The following AFG2A variants were observed in gnomAD, a reference collection of about 807,000 sequenced individuals.
AFG2A encodes ATPase family gene 2 protein homolog A.
At chr4:122,989,158 C>G in the AFG2A span, among the ~76,000 whole-genome samples, 1 of 152,146 alleles carries the variant, frequency 6.6e-6, no homozygotes, top group Non-Finnish European at 1.5e-5. Flanking sequence ...TGTCCTGTTT[C>G]TCTAATTATT....
At chr4:123,059,349 G>A in the AFG2A span, among the ~76,000 whole-genome samples, 10 of 127,146 alleles carry the variant, frequency 7.9e-5, no homozygotes, top group South Asian at 4.9e-4. Context: ...TTCCCCTTCC[G>A]GTGTCCATGT....
At chr4:123,145,910 T>A in the AFG2A span, among the ~76,000 whole-genome samples, 2 of 152,132 alleles carry the variant, frequency 1.3e-5, no homozygotes, top group Admixed American at 1.3e-4. Flanking sequence ...TATTTTTTCT[T>A]TTTGGAGGTT....
At chr4:123,303,448 T>G in the AFG2A span, among the ~76,000 whole-genome samples, 166 of 145,798 alleles carry the variant, frequency 1.1e-3, no homozygotes, top group African/African-American at 3.5e-3. Context: ...ATATATACTT[T>G]AGCTATATAT....
chr4:123,216,664 CTT>C, the AFG2A span, among the ~76,000 whole-genome samples: 2 of 142,926 alleles, frequency 1.4e-5, no homozygotes, highest in African/African-American at 2.6e-5. Context: ...ATTATTTTTA[CTT>C]TTTTTTTTTT....
chr4:123,269,750 C>T, the AFG2A span, among the ~76,000 whole-genome samples: 7 of 99,858 alleles, frequency 7.0e-5, no homozygotes, highest in East Asian at 2.4e-4. Context: ...ATACATCCTT[C>T]GTCCCCCTTA....
chr4:123,093,322 A>ACTTTT, the AFG2A span, among the ~76,000 whole-genome samples: 399 of 152,268 alleles, frequency 2.6e-3, no homozygotes, highest in African/African-American at 8.9e-3. Flanking sequence ...ATTTACATGC[A>ACTTTT]AATTAAAGGG....
chr4:123,080,317 G>T, the AFG2A span, among the ~76,000 whole-genome samples: 1 of 152,204 alleles, frequency 6.6e-6, no homozygotes, highest in Non-Finnish European at 1.5e-5. Flanking sequence ...AGGACACAGC[G>T]AGACCGCAGC....
chr4:123,017,899 G>T, the AFG2A span, among the ~76,000 whole-genome samples: 1 of 152,204 alleles, frequency 6.6e-6, no homozygotes, highest in African/African-American at 2.4e-5. Context: ...TTGACTCATA[G>T]ATGTATAAAA....
the AFG2A span, among the ~76,000 whole-genome samples, chr4:123,292,015 T>G: frequency 6.6e-6 from 1 of 152,196 alleles, no homozygotes; most frequent in Non-Finnish European, 1.5e-5. Flanking sequence ...ATTCTTAGGT[T>G]TGGACGTTTT....
At chr4:122,931,120 C>G in the AFG2A span, among the ~76,000 whole-genome samples, 1 of 152,022 alleles carries the variant, frequency 6.6e-6, no homozygotes, top group Non-Finnish European at 1.5e-5. Context: ...TTTTTAAAAG[C>G]AAAATTGGTT....
At chr4:122,932,432 G>A in the AFG2A span, among the ~76,000 whole-genome samples, 1 of 151,864 alleles carries the variant, frequency 6.6e-6, no homozygotes, top group African/African-American at 2.4e-5. Context: ...AGCTCAAGCG[G>A]TCCACCCACC....
At chr4:122,933,035 A>G in the AFG2A span, among the ~76,000 whole-genome samples, 8 of 152,230 alleles carry the variant, frequency 5.3e-5, no homozygotes, top group Non-Finnish European at 4.4e-5. Flanking sequence ...ATACACATCC[A>G]TAGATAATAG....
At chr4:123,158,350 A>G in the AFG2A span, among the ~76,000 whole-genome samples, 2 of 152,222 alleles carry the variant, frequency 1.3e-5, no homozygotes, top group African/African-American at 2.4e-5. Flanking sequence ...TGAAAGGTCA[A>G]TCTCAGGAAT....
At chr4:122,972,879 C>CA in the AFG2A span, among the ~76,000 whole-genome samples, 2 of 152,034 alleles carry the variant, frequency 1.3e-5, no homozygotes, top group African/African-American at 4.8e-5. Context: ...TGCTGGAAAA[C>CA]AGAGTTATTT....
chr4:123,242,141 T>C, the AFG2A span, among the ~76,000 whole-genome samples: 1 of 152,038 alleles, frequency 6.6e-6, no homozygotes, highest in Non-Finnish European at 1.5e-5. Context: ...CACAAACAAA[T>C]GGAAGATGGG....
the AFG2A span, among the ~76,000 whole-genome samples, chr4:122,953,071 T>C: frequency 1.4e-3 from 214 of 152,276 alleles, 5 homozygotes; most frequent in South Asian, 0.028. Flanking sequence ...TAACAATCCC[T>C]GTGGTTTCAT....
chr4:123,294,388 C>G, the AFG2A span, among the ~76,000 whole-genome samples: 1 of 152,128 alleles, frequency 6.6e-6, no homozygotes, highest in African/African-American at 2.4e-5. Flanking sequence ...TGTGTTTATC[C>G]TTAGGATGAG....
At chr4:123,254,321 AT>A in the AFG2A span, among the ~76,000 whole-genome samples, 30,574 of 151,914 alleles carry the variant, frequency 0.2, 3,651 homozygotes, top group African/African-American at 0.32. Context: ...GTCAATGTTC[AT>A]TTTTTTCATA....
At chr4:123,015,971 C>T in the AFG2A span, among the ~76,000 whole-genome samples, 1 of 36,210 alleles carries the variant, frequency 2.8e-5, no homozygotes, top group African/African-American at 5.2e-5. Flanking sequence ...GACGGGGCGG[C>T]TGGCCGGGCG....
Sources: allele counts gnomAD v4.1 joint callset (sites outside exome capture counted in the v4.1 genomes callset), GRCh38; gene constraint gnomAD v4.1.1; transcripts MANE v1.5; gene names NCBI Gene and HGNC (gene_info 2026-07-23, HGNC 2026-07-21).